TOP2B: variants seen among roughly 807,000 people sequenced by gnomAD.
TOP2B encodes DNA topoisomerase II beta.
In TOP2B, 51 loss-of-function variants were observed where a neutral mutation model predicts 193.5. The ratio of observed to expected loss-of-function variants is 0.26; its 90% CI spans 0.21 to 0.33. TOP2B has a LOEUF of 0.33. Among genes scored for constraint, TOP2B ranks in the 10% least tolerant of loss-of-function variants. TOP2B has a pLI of 1.00. For synonymous variants in TOP2B, 634 were observed against 635.7 expected (o/e 1.00, Z 0.04); for missense variants, 1,378 against 1,909.3 (o/e 0.72, Z 5.19).
At chr3:25,598,774 C>T (rs1218312557) in intron 35 of TOP2B, among the ~76,000 whole-genome samples, 1 of 152,090 alleles carries the variant, frequency 6.6e-6, no homozygotes, top group Non-Finnish European at 1.5e-5. Context: ...GCACAATGCC[C>T]AGATTAGTAA....
intron 21 of TOP2B, among the ~76,000 whole-genome samples, chr3:25,622,188 C>T (rs1559497861): frequency 6.6e-6 from 1 of 152,082 alleles, no homozygotes; most frequent in African/African-American, 2.4e-5. Context: ...GTTTCATACA[C>T]ATAGTAGGCA....
intron 10 of TOP2B, among the ~76,000 whole-genome samples, chr3:25,631,557 A>T (rs1382351646): frequency 2.6e-5 from 4 of 152,078 alleles, no homozygotes; most frequent in Non-Finnish European, 5.9e-5. Flanking sequence ...TTTTTTTATC[A>T]TCCTCGGTGA....
intron 10 of TOP2B, among the ~76,000 whole-genome samples, chr3:25,632,124 T>G (rs1166107829): frequency 6.6e-6 from 1 of 152,020 alleles, no homozygotes; most frequent in Non-Finnish European, 1.5e-5. Flanking sequence ...CAAGTTGAAA[T>G]GAGAGTAGAA....
intron 1 of TOP2B, among the ~76,000 whole-genome samples, chr3:25,661,886 G>A (rs1172400084): frequency 1.3e-5 from 2 of 152,032 alleles, no homozygotes; most frequent in Admixed American, 1.3e-4. Context: ...AGAAATCAGG[G>A]GCTAATTCTA....
In TOP2B at chr3:25,620,052, T is replaced by C; in HGVS notation, c.2873A>G (p.Glu958Gly). 1 of 1,507,564 alleles carries C rather than the reference T, an allele frequency of 6.6e-7. No homozygotes were observed. The highest frequency in any genetic ancestry group is 9.0e-7 in the Non-Finnish European group (1 of 1,114,372). The allele number at this position is 1,507,564 out of a possible 1,614,324, so 93.4% of individuals were successfully genotyped here. ...ATTTAGCATAGGTTCTAAAACCTGTTCTTTATATACCTATAAAGATTTAAA... is the reference window on the plus strand; with the variant it reads ...ATTTAGCATAGGTTCTAAAACCTGTCCTTTATATACCTATAAAGATTTAAA... ...PVRTWTQVYKEQVLEPMLNGT... is the reference protein window; with the variant it reads ...PVRTWTQVYKGQVLEPMLNGT... Residue 958 changes from glutamate (E) to glycine (G), a missense_variant, in exon 23 of 36, where the codon GAA becomes GGA. By Grantham distance (98) the Glu-to-Gly change is moderately conservative. Coordinates refer to ENST00000264331, the MANE Select transcript of TOP2B (RefSeq NM_001330700.2).
rs771831835 is a variant in TOP2B at position 25,620,738 on chromosome 3, C to T, written c.2806G>A (p.Val936Ile). Residue 936 changes from valine to isoleucine, a missense_variant, in exon 22 of 36, where the codon GTA becomes ATA. Physicochemically the swap from Val to Ile is conservative, Grantham distance 29. Transcript: ENST00000264331. ...ATTTCTACTGTGTTTCTGTCCACTA[C>T]AAATATTTCACCACTGACTGCATAC... ...NQYAVSGEIF[V>I]VDRNTVEITE... The T allele has an allele frequency of 1.9e-5, 31 of 1,613,136 alleles. No individual in the cohort carries two copies. In the Admixed American group the frequency reaches 5.2e-4, roughly 27 times the overall value.
At chr3:25,622,285 C>A (rs1260059847) in intron 21 of TOP2B, among the ~76,000 whole-genome samples, 1 of 152,112 alleles carries the variant, frequency 6.6e-6, no homozygotes, top group African/African-American at 2.4e-5. Flanking sequence ...AAAACACTAT[C>A]ATTAAAAATT....
At chr3:25,626,971 T>G in intron 16 of TOP2B, 107 bp from the exon 17 acceptor site, 3 of 755,210 alleles carry the variant, frequency 4.0e-6, no homozygotes, top group Non-Finnish European at 6.3e-6. Context: ...TCTGGAAAAT[T>G]AGGTTATTTT....
chr3:25,620,850 C>T (rs1702640822), intron 21 of TOP2B, 34 bp from the exon 22 acceptor site: 1 of 1,604,706 alleles, frequency 6.2e-7, no homozygotes, highest in Admixed American at 1.7e-5. Context: ...ATTGACTTCT[C>T]TCTTGAGTAC....
chr3:25,650,981 T>C (rs569043344), intron 1 of TOP2B, among the ~76,000 whole-genome samples: 1 of 152,328 alleles, frequency 6.6e-6, no homozygotes, highest in Admixed American at 6.5e-5. Flanking sequence ...CTTATCCTTC[T>C]TAGTACCGCA....
At chr3:25,613,857 T>C (rs1036024935) in intron 27 of TOP2B, among the ~76,000 whole-genome samples, 1 of 152,156 alleles carries the variant, frequency 6.6e-6, no homozygotes, top group African/African-American at 2.4e-5. Flanking sequence ...AATTCTATAA[T>C]GATATAATTC....
rs1421781856 is a variant in TOP2B, at chr3:25,664,533, G to T, written c.-236C>A. 6 of 1,140,926 alleles carry T rather than the reference G, an allele frequency of 5.3e-6. No individual in the cohort carries two copies. In the Admixed American group the frequency reaches 2.9e-4, roughly 56 times the overall value. The allele number at this position is 1,140,926 out of a possible 1,614,324, so 70.7% of individuals were successfully genotyped here. A position where few individuals can be genotyped will look rare whatever the true frequency, so the allele number is the denominator to read the frequency against. ...GCGGCGTCCGCGTCGCCCGGGCCTA[G>T]CGCGGCGGCTGAGGAGAAAGCAGGG... On this transcript the variant is annotated 5_prime_UTR_variant, in exon 1 of 36. Transcript: ENST00000264331.
At chr3:25,641,515 C>A (rs1703263499) in intron 4 of TOP2B, among the ~76,000 whole-genome samples, 1 of 143,494 alleles carries the variant, frequency 7.0e-6, no homozygotes, top group African/African-American at 2.7e-5. Context: ...TAGAAATAAT[C>A]CAAATTTAAA....
rs764547846 is a variant in TOP2B, at chr3:25,612,727, G to A, written c.3592-18C>T. 3 of 1,596,288 alleles carry A rather than the reference G, an allele frequency of 1.9e-6. No individual in the cohort carries two copies. The highest frequency in any genetic ancestry group is 2.2e-5 in the South Asian group (2 of 89,556). On this transcript the variant is annotated intron_variant, in intron 27 of 35. Transcript: ENST00000264331. The stretch of plus-strand genomic sequence containing the variant: ...TCCACTTTCTAAAGTATAATCATAA[G>A]GCAGAAGGAACATAAACAACTTCTT...
chr3:25,664,150 T>G, intron 1 of TOP2B, 79 bp downstream of exon 1: 32 of 986,068 alleles, frequency 3.2e-5, no homozygotes, highest in Non-Finnish European at 4.2e-5. Context: ...CCCTTTCCCC[T>G]CCCCCGCCCG....
In TOP2B at chr3:25,645,367, T is replaced by G; in HGVS notation, c.173A>C (p.Lys58Thr). The change falls in exon 2 of 36, where the codon AAG (lysine) becomes ACG (threonine). Residue 58 changes from lysine to threonine, a missense_variant. Physicochemically the swap from Lys to Thr is moderately conservative, Grantham distance 78. Around this residue, in one of 9 missense-constraint regions of TOP2B, gnomAD observed 35 missense variants for 85.8 expected, o/e 0.41. Transcript: ENST00000264331. The stretch of plus-strand genomic sequence containing the variant: ...AAGAAGAATGTGTTCAAGTTGTGTC[T>G]TCTTCTGATACACTCTCTCAACAGA... ...KLSVERVYQKKTQLEHILLRP... is the reference protein window; with the variant it reads ...KLSVERVYQKTTQLEHILLRP... The G allele has an allele frequency of 6.2e-7, 1 of 1,613,702 alleles. No individual in the cohort carries two copies. Among genetic ancestry groups the G allele is most frequent in the Non-Finnish European group, 8.5e-7 (1 of 1,179,772 alleles).
At chr3:25,615,348 C>G (rs1702476315) in intron 26 of TOP2B, 60 bp from the exon 27 acceptor site, 1 of 1,558,120 alleles carries the variant, frequency 6.4e-7, no homozygotes, top group Non-Finnish European at 8.7e-7. Context: ...AAGGATAAAT[C>G]AAAATACTTA....
At chr3:25,650,470 T>C (rs762034593) in intron 1 of TOP2B, among the ~76,000 whole-genome samples, 49 of 152,240 alleles carry the variant, frequency 3.2e-4, no homozygotes, top group Non-Finnish European at 6.0e-4. Context: ...CATTTCCTGC[T>C]ACAATTATTT....
intron 33 of TOP2B, among the ~76,000 whole-genome samples, chr3:25,603,605 G>T (rs1702164166): frequency 6.6e-6 from 1 of 151,996 alleles, no homozygotes; most frequent in Admixed American, 6.6e-5. Context: ...CCCAGATTTG[G>T]GCCAATCTGC....
Sources: gnomAD v4.1 joint callset for allele counts (sites outside exome capture counted in the v4.1 genomes callset) on GRCh38, gnomAD v4.1.1 for gene constraint, gnomAD v4.1.1 regional missense constraint, MANE v1.5 for transcripts, NCBI Gene and HGNC (gene_info 2026-07-23, HGNC 2026-07-21) for gene names.